The following ADSL variants were observed in gnomAD, a reference collection of about 807,000 sequenced individuals.
ADSL encodes the protein adenylosuccinate lyase.
Under a neutral mutation model 62.1 loss-of-function variants are expected in ADSL, and 44 were observed. The ratio of observed to expected loss-of-function variants is 0.71; its 90% CI spans 0.56 to 0.91. The LOEUF (loss-of-function observed/expected upper bound fraction) is 0.91. Ranked by LOEUF, ADSL falls within the 40% of genes least tolerant of loss-of-function variation. The pLI is 0.00. For synonymous variants in ADSL, 198 were observed against 220.5 expected, an observed-to-expected ratio of 0.90 and a Z score of 0.90; for missense variants, 531 against 627.4, an observed-to-expected ratio of 0.85 and a Z score of 1.64.
chr22:40,366,642 T>A lies in ADSL; in HGVS notation c.*120T>A, dbSNP rs2045017927. The A allele has an allele frequency of 1.3e-6, 1 of 755,324 alleles. No homozygotes were observed. The highest frequency in any genetic ancestry group is 2.0e-5 in the Admixed American group (1 of 49,230). The allele number at this position is 755,324 out of a possible 1,614,324, so 46.8% of individuals were successfully genotyped here. On this transcript the variant is annotated 3_prime_UTR_variant, in exon 13 of 13. Transcript: ENST00000623063. Reference sequence around the variant, plus strand: ...TTAAATTAGTACAGCACTTTCTTCTTCCCATGGTGCTTTCCTGTTTCTCAG... The same window carrying A: ...TTAAATTAGTACAGCACTTTCTTCTACCCATGGTGCTTTCCTGTTTCTCAG...
At chr22:40,379,821 A>C (rs2047265082) in intron 2 of ADSL, among the ~76,000 whole-genome samples, 1 of 151,836 alleles carries the variant, frequency 6.6e-6, no homozygotes, top group East Asian at 1.9e-4. Context: ...CAATCCTCCC[A>C]CCTCAGCTTC....
At chr22:40,372,001 G>A (rs2045601634), downstream of ADSL, among the ~76,000 whole-genome samples, 1 of 150,418 alleles carries the variant, frequency 6.6e-6, no homozygotes, top group Non-Finnish European at 1.5e-5. Context: ...CGCCAGGCCC[G>A]ATTAATTTGT....
At chr22:40,369,522 T>G (rs1001092687), downstream of ADSL, among the ~76,000 whole-genome samples, 6 of 146,994 alleles carry the variant, frequency 4.1e-5, no homozygotes, top group African/African-American at 1.6e-4. Flanking sequence ...TATATATATA[T>G]AGACAAGATC....
intron 2 of ADSL, among the ~76,000 whole-genome samples, chr22:40,381,624 A>G (rs1040398307): frequency 1.3e-5 from 2 of 152,142 alleles, no homozygotes; most frequent in African/African-American, 4.8e-5. Context: ...TTACTCCCCA[A>G]CATGTATGTA....
chr22:40,379,586 C>G (rs1443657707), intron 2 of ADSL: 1 of 152,226 alleles, frequency 6.6e-6, no homozygotes, highest in Admixed American at 6.5e-5. Context: ...CGTGCAGTGC[C>G]TGCTGCAGCA....
chr22:40,364,757 C>A, intron 11 of ADSL, 123 bp from the exon 12 acceptor site: 1 of 1,014,290 alleles, frequency 9.9e-7, no homozygotes, highest in Non-Finnish European at 1.5e-6. Context: ...GGAACCACCT[C>A]AGCCTAGAGG....
intron 2 of ADSL, among the ~76,000 whole-genome samples, chr22:40,374,883 TCAAA>T (rs1019211132): frequency 2.0e-5 from 3 of 152,166 alleles, no homozygotes; most frequent in African/African-American, 7.2e-5. Flanking sequence ...AGACCTTGCC[TCAAA>T]CAAACACATT....
downstream of ADSL, among the ~76,000 whole-genome samples, chr22:40,370,433 A>G (rs1388613870): frequency 6.6e-6 from 1 of 152,030 alleles, no homozygotes; most frequent in African/African-American, 2.4e-5. Flanking sequence ...TCCACACCAT[A>G]CTGTCCCAAG....
rs959639762 is a variant in ADSL, at chr22:40,362,918, A to T, written c.1011-63A>T. 5 of 1,446,112 alleles carry T rather than the reference A, an allele frequency of 3.5e-6. No homozygotes were observed. The African/African-American group carries it at 7.0e-5, about 20-fold the overall frequency. The allele number at this position is 1,446,112 out of a possible 1,614,324, so 89.6% of individuals were successfully genotyped here. Reference sequence around the variant, plus strand: ...AGTCAGTAGGGCAACTTGTTGGGACACACACTGCATTTCACTGAAATTATT... The same window carrying T: ...AGTCAGTAGGGCAACTTGTTGGGACTCACACTGCATTTCACTGAAATTATT... On this transcript the variant is annotated intron_variant, in intron 9 of 12. Transcript: ENST00000623063.
In ADSL at chr22:40,365,351, T is replaced by C. The variant is rs1202316975; in HGVS notation, c.1368+295T>C. Reference sequence around the variant, plus strand: ...GCTGTTTTGAGCTGCCTTTATTTCTTTGTGTAGATTTTTTGGAATTATCTT... The same window carrying C: ...GCTGTTTTGAGCTGCCTTTATTTCTCTGTGTAGATTTTTTGGAATTATCTT... On this transcript the variant is annotated intron_variant, in intron 12 of 12. Transcript: ENST00000623063. Among the ~76,000 whole-genome samples the C allele has an allele frequency of 2.0e-5, 3 of 152,128 alleles. No individual in the cohort carries two copies. In the East Asian group the frequency reaches 5.8e-4, roughly 29 times the overall value.
chr22:40,364,824 A>G, intron 11 of ADSL, 56 bp from the exon 12 acceptor site: 1 of 1,582,528 alleles, frequency 6.3e-7, no homozygotes, highest in Non-Finnish European at 8.7e-7. Flanking sequence ...TGACTTTTTA[A>G]AAGTGTTCAA....
chr22:40,368,641 G>C lies in ADSL; in HGVS notation c.*2119G>C, dbSNP rs1343515096. 1 of 152,170 alleles carries C rather than the reference G, an allele frequency of 6.6e-6. No individual in the cohort carries two copies. Among genetic ancestry groups the C allele is most frequent in the East Asian group, 1.9e-4 (1 of 5,178 alleles). 9.4% of individuals were successfully genotyped at this position (152,170 alleles called of 1,614,324 possible). A position where few individuals can be genotyped will look rare whatever the true frequency, so the allele number is the denominator to read the frequency against. Reference sequence around the variant, plus strand: ...GTTCATCTCTAAAAAATCTTGAAAAGGGCCGGGTGCGGTGGTGGCTCACGC... The same window carrying C: ...GTTCATCTCTAAAAAATCTTGAAAACGGCCGGGTGCGGTGGTGGCTCACGC... On this transcript the variant is annotated 3_prime_UTR_variant, in exon 13 of 13. Coordinates refer to ENST00000623063, the MANE Select transcript of ADSL (RefSeq NM_000026.4).
chr22:40,358,520 G>A (rs1426253520), intron 4 of ADSL, among the ~76,000 whole-genome samples: 10 of 152,156 alleles, frequency 6.6e-5, no homozygotes. Context: ...AGAGGTCGAG[G>A]CTACAGTCAG....
At chr22:40,355,644 A>G (rs1004797827) in intron 4 of ADSL, among the ~76,000 whole-genome samples, 1 of 152,034 alleles carries the variant, frequency 6.6e-6, no homozygotes, top group Non-Finnish European at 1.5e-5. Context: ...GGTAATTTCT[A>G]CTTTTTGGCT....
At chr22:40,352,752 G>T (rs1225655875) in intron 2 of ADSL, among the ~76,000 whole-genome samples, 1 of 152,160 alleles carries the variant, frequency 6.6e-6, no homozygotes, top group Non-Finnish European at 1.5e-5. Flanking sequence ...ACCTGCTTCA[G>T]CCTCCCAAAA....
intron 7 of ADSL, 138 bp from the exon 8 acceptor site, chr22:40,361,135 C>A: frequency 1.2e-6 from 1 of 831,792 alleles, no homozygotes; most frequent in East Asian, 2.4e-5. Flanking sequence ...TGCAGGAGCT[C>A]TTTGGGAGGA....
At chr22:40,354,427 A>G in intron 4 of ADSL, 100 bp downstream of exon 4, 4 of 950,838 alleles carry the variant, frequency 4.2e-6, no homozygotes, top group Non-Finnish European at 6.9e-6. Flanking sequence ...GAATCTGAAA[A>G]CATGATTTAA....
In ADSL at chr22:40,366,586, A is replaced by G. The variant is rs888393818; in HGVS notation, c.*64A>G. The G allele has an allele frequency of 7.4e-6, 9 of 1,213,370 alleles. No homozygotes were observed. In the African/African-American group the frequency reaches 1.2e-4, roughly 16 times the overall value. The allele number at this position is 1,213,370 out of a possible 1,614,324, so 75.2% of individuals were successfully genotyped here. On this transcript the variant is annotated 3_prime_UTR_variant, in exon 13 of 13. Coordinates refer to ENST00000623063, the MANE Select transcript of ADSL (RefSeq NM_000026.4). ...TGAGGCATGAAAATTGTGTTACTAT[A>G]ATGCCTTATTTTACCTCGAGAATTG...
chr22:40,360,138 C>T (rs147388565), intron 6 of ADSL, among the ~76,000 whole-genome samples: 1 of 152,318 alleles, frequency 6.6e-6, no homozygotes, highest in East Asian at 1.9e-4. Context: ...CAAGTTACCA[C>T]TCAGGTCCAC....
Sources: allele counts gnomAD v4.1 joint callset (sites outside exome capture counted in the v4.1 genomes callset), GRCh38; gene constraint gnomAD v4.1.1; transcripts MANE v1.5; gene names NCBI Gene and HGNC (gene_info 2026-07-23, HGNC 2026-07-21).